Variants in MTUS2 observed in about 807,000 individuals in gnomAD.
MTUS2 encodes microtubule associated scaffold protein 2, also known as microtubule-associated tumor suppressor candidate 2.
In MTUS2, 40 loss-of-function variants were observed where a neutral mutation model predicts 114.1. The ratio of observed to expected loss-of-function variants is 0.35; its 90% CI spans 0.27 to 0.46. The LOEUF (loss-of-function observed/expected upper bound fraction) is 0.46, where lower values mean the gene tolerates loss of function less well. Among genes scored for constraint, MTUS2 ranks in the 20% least tolerant of loss-of-function variants. MTUS2 has a pLI of 1.00. For missense variants in MTUS2, 1,679 were observed against 1,705.4 expected, an observed-to-expected ratio of 0.98 and a Z score of 0.27; for synonymous variants, 688 against 672.0, an observed-to-expected ratio of 1.02 and a Z score of -0.37.
At chr13:29,495,537 C>T (rs1265846554) in intron 12 of MTUS2, among the ~76,000 whole-genome samples, 2 of 151,930 alleles carry the variant, frequency 1.3e-5, no homozygotes, top group African/African-American at 4.8e-5. Flanking sequence ...AATATCACTT[C>T]CTATTATTTG....
chr13:29,379,079 C>T (rs749573121), intron 8 of MTUS2, among the ~76,000 whole-genome samples: 10 of 152,228 alleles, frequency 6.6e-5, no homozygotes, highest in Admixed American at 2.0e-4. Context: ...TTGCTTCCCC[C>T]TCCACCATCA....
intron 2 of MTUS2, among the ~76,000 whole-genome samples, chr13:28,917,840 T>A (rs566676792): frequency 1.1e-3 from 165 of 151,912 alleles, no homozygotes; most frequent in Non-Finnish European, 2.1e-3. Context: ...TCTTCTTTTT[T>A]GAGGTAGTTA....
At chr13:29,037,464 T>G (rs2138537139) in intron 4 of MTUS2, among the ~76,000 whole-genome samples, 1 of 152,330 alleles carries the variant, frequency 6.6e-6, no homozygotes, top group South Asian at 2.1e-4. Context: ...CATTTCAACC[T>G]TGGTGAATCA....
At chr13:28,995,293 G>A (rs1006890194) in intron 2 of MTUS2, among the ~76,000 whole-genome samples, 45 of 152,302 alleles carry the variant, frequency 3.0e-4, no homozygotes, top group Non-Finnish European at 5.4e-4. Context: ...GTGCTGTTTG[G>A]TTACTGTAGC....
At chr13:29,473,135 A>G (rs1880439920) in intron 9 of MTUS2, among the ~76,000 whole-genome samples, 1 of 152,130 alleles carries the variant, frequency 6.6e-6, no homozygotes, top group Admixed American at 6.6e-5. Context: ...ATATGTGTGT[A>G]TATATAATGG....
At chr13:29,125,694 T>C (rs904722308) in intron 5 of MTUS2, among the ~76,000 whole-genome samples, 1 of 152,210 alleles carries the variant, frequency 6.6e-6, no homozygotes, top group South Asian at 2.1e-4. Flanking sequence ...TGGGAAGTTA[T>C]AAAAATCACT....
chr13:28,845,780 C>T (rs1875836649), intron 2 of MTUS2, among the ~76,000 whole-genome samples: 1 of 151,802 alleles, frequency 6.6e-6, no homozygotes, highest in Non-Finnish European at 1.5e-5. Flanking sequence ...TGGGTCATGT[C>T]TCAGCTCTGG....
chr13:29,331,015 AT>A (rs1900751156), intron 7 of MTUS2, among the ~76,000 whole-genome samples: 1 of 152,132 alleles, frequency 6.6e-6, no homozygotes, highest in African/African-American at 2.4e-5. Flanking sequence ...GAATCTATGA[AT>A]TACTTTGGGC....
intron 5 of MTUS2, among the ~76,000 whole-genome samples, chr13:29,103,262 G>A (rs562799755): frequency 1.2e-3 from 189 of 152,252 alleles, no homozygotes; most frequent in Non-Finnish European, 2.2e-3. Flanking sequence ...CAGTGTCATC[G>A]TGGCGCAAAC....
At chr13:29,286,313 C>A (rs181330642) in intron 6 of MTUS2, among the ~76,000 whole-genome samples, 7 of 152,234 alleles carry the variant, frequency 4.6e-5, no homozygotes, top group Admixed American at 4.6e-4. Context: ...GAAATGCTAT[C>A]TGGTATTTCC....
intron 5 of MTUS2, among the ~76,000 whole-genome samples, chr13:29,268,918 G>A (rs1897771800): frequency 6.6e-6 from 1 of 152,024 alleles, no homozygotes; most frequent in Non-Finnish European, 1.5e-5. Flanking sequence ...TTTTTGTAGA[G>A]ACAGGGTCTC....
chr13:29,113,605 G>A (rs1233283363), intron 5 of MTUS2, among the ~76,000 whole-genome samples: 1 of 152,164 alleles, frequency 6.6e-6, no homozygotes, highest in Non-Finnish European at 1.5e-5. Context: ...ATGACTTTGT[G>A]TTGCCATGTG....
At chr13:29,418,253 T>A (rs1377079903) in intron 8 of MTUS2, among the ~76,000 whole-genome samples, 2 of 152,122 alleles carry the variant, frequency 1.3e-5, no homozygotes, top group Non-Finnish European at 2.9e-5. Context: ...GAAAAAAGAT[T>A]ACATTTTTCA....
At chr13:29,101,040 C>A in intron 5 of MTUS2, 70 bp downstream of exon 5, 1 of 1,400,682 alleles carries the variant, frequency 7.1e-7, no homozygotes, top group Non-Finnish European at 9.5e-7. Context: ...AACTGTGTGT[C>A]ATTTTCTTTG....
chr13:29,486,128 CT>C (rs1418442945), intron 10 of MTUS2, among the ~76,000 whole-genome samples: 1 of 152,170 alleles, frequency 6.6e-6, no homozygotes, highest in African/African-American at 2.4e-5. Flanking sequence ...TGTAATCAGC[CT>C]TTCTCCTGGT....
intron 5 of MTUS2, among the ~76,000 whole-genome samples, chr13:29,186,624 A>C (rs1345007184): frequency 6.6e-6 from 1 of 152,218 alleles, no homozygotes; most frequent in East Asian, 1.9e-4. Flanking sequence ...AAAATACATG[A>C]AGCAAAAATT....
At chr13:29,425,453 C>T (rs1409464483) in intron 8 of MTUS2, among the ~76,000 whole-genome samples, 1 of 151,392 alleles carries the variant, frequency 6.6e-6, no homozygotes, top group African/African-American at 2.4e-5. Flanking sequence ...AATACTTTAA[C>T]AAAGAAAAAA....
At chr13:29,106,501 G>C (rs151269540) in intron 5 of MTUS2, among the ~76,000 whole-genome samples, 58 of 152,234 alleles carry the variant, frequency 3.8e-4, no homozygotes, top group Non-Finnish European at 4.3e-4. Flanking sequence ...TGGAAATACA[G>C]GCATGTGCTA....
chr13:28,971,535 A>G (rs997584162), intron 2 of MTUS2, among the ~76,000 whole-genome samples: 69 of 152,350 alleles, frequency 4.5e-4, no homozygotes, highest in African/African-American at 1.6e-3. Flanking sequence ...CTTCAACAGT[A>G]AGAGCTATAT....
Sources: gnomAD v4.1 joint callset for allele counts (sites outside exome capture counted in the v4.1 genomes callset) on GRCh38, gnomAD v4.1.1 for gene constraint, MANE v1.5 for transcripts, NCBI Gene and HGNC (gene_info 2026-07-23, HGNC 2026-07-21) for gene names.